NLRP11: variants seen among roughly 807,000 people sequenced by gnomAD.
NLRP11 encodes the protein NLR family pyrin domain containing 11.
A neutral mutation model predicts 79.3 loss-of-function variants in NLRP11; 53 were observed. That is an observed-to-expected ratio of 0.67 (90% CI 0.54 to 0.84). The LOEUF (loss-of-function observed/expected upper bound fraction) is 0.84, where lower values mean the gene tolerates loss of function less well. Ranked by LOEUF, NLRP11 falls within the 40% of genes least tolerant of loss-of-function variation. The pLI, the probability that NLRP11 is intolerant of heterozygous loss-of-function variation, is 0.00. For missense variants in NLRP11, 1,264 were observed against 1,255.0 expected, an observed-to-expected ratio of 1.01 and a Z score of -0.11; for synonymous variants, 518 against 462.6, an observed-to-expected ratio of 1.12 and a Z score of -1.54.
intron 1 of NLRP11, among the ~76,000 whole-genome samples, chr19:55,828,800 T>C (rs895611319): frequency 6.6e-6 from 1 of 152,206 alleles, no homozygotes; most frequent in East Asian, 1.9e-4. Flanking sequence ...TTTATACTTA[T>C]AGAATAAGGA....
intron 7 of NLRP11, among the ~76,000 whole-genome samples, chr19:55,790,550 C>G (rs972273105): frequency 2.0e-5 from 3 of 152,236 alleles, no homozygotes; most frequent in African/African-American, 7.2e-5. Flanking sequence ...ATTCTGTTCA[C>G]TGATGTATCC....
Position 55,809,262 on chromosome 19 carries a change from G to T in NLRP11, c.1348C>A (p.His450Asn). ...GTACAAAACTCCTGGACGTTCAAGT[G>T]TATGAACTTGTAACGGTCTTTATGA... The change falls in exon 3 of 10, where the codon CAC becomes AAC. Residue 450 changes from histidine to asparagine, a missense_variant. Transcript: ENST00000589093. This position sits in a 1 kb window ranked among gnomAD's most constrained non-coding sequence, Gnocchi z 4.5. 6.2e-7 allele frequency: 1 copy of T among 1,614,020 alleles called. No homozygotes were observed.
At chr19:55,810,127 A>G in exon 3 of NLRP11, 1 of 1,614,200 alleles carries the variant, frequency 6.2e-7, no homozygotes. Flanking sequence ...GATTTATAAC[A>G]ATAGTTTTTC....
chr19:55,805,537 TG>T (rs1979903075), intron 4 of NLRP11, among the ~76,000 whole-genome samples: 1 of 129,542 alleles, frequency 7.7e-6, no homozygotes, highest in East Asian at 2.1e-4. Context: ...TTTAAGGTTT[TG>T]TTTTTTTTTT....
intron 5 of NLRP11, among the ~76,000 whole-genome samples, chr19:55,800,305 T>C (rs144188491): frequency 6.6e-6 from 1 of 152,298 alleles, no homozygotes; most frequent in African/African-American, 2.4e-5. Flanking sequence ...GAATTTATTA[T>C]TCATTTATTT....
rs148852765 is a variant in NLRP11, at chr19:55,829,418, A to T, written c.-63+2545T>A. 2.3e-3 allele frequency among the ~76,000 whole-genome samples: 347 copies of T among 152,174 alleles called. 2 individuals carry two copies. Among genetic ancestry groups the T allele is most frequent in the Non-Finnish European group, 3.9e-3 (262 of 67,992 alleles). ...GGTGGCTCATGCCTGTAATCCCAGC[A>T]CTTTGGGAGGCCGAGGAGGGCAGAT... On this transcript the variant is annotated intron_variant, in intron 1 of 9. Coordinates refer to ENST00000589093, the Ensembl canonical transcript of NLRP11.
In NLRP11 at chr19:55,809,993, T is replaced by A. The variant is rs139853922; in HGVS notation, c.617A>T (p.Asp206Val). The A allele has an allele frequency of 1.4e-4, 228 of 1,614,092 alleles. No individual in the cohort carries two copies. The highest frequency in any genetic ancestry group is 3.0e-4 in the Admixed American group (18 of 60,008). Residue 206 changes from aspartate to valine, a missense_variant, in exon 3 of 10, where the codon GAC (aspartate) becomes GTC (valine). Physicochemically the swap from Asp to Val is radical, Grantham distance 152. Coordinates refer to ENST00000589093, the Ensembl canonical transcript of NLRP11. The surrounding 1 kb of genome is among the most constrained non-coding windows in gnomAD (Gnocchi z 4.5). The stretch of plus-strand genomic sequence containing the variant: ...AATGGGAGCCTGGCCGTCAGGCCAG[T>A]CCTTGGCGATTAGCTCAGCCAAGCT...
chr19:55,796,314 A>T (rs1600177795), intron 5 of NLRP11, 64 bp from the exon 6 acceptor site: 6 of 193,506 alleles, frequency 3.1e-5, no homozygotes, highest in South Asian at 3.0e-4. Context: ...CTTTTAAATT[A>T]AAAAAAAAAA....
chr19:55,831,350 T>C (rs1982770385), intron 1 of NLRP11, among the ~76,000 whole-genome samples: 1 of 151,316 alleles, frequency 6.6e-6, no homozygotes, highest in Non-Finnish European at 1.5e-5. Flanking sequence ...TTACTTGAGG[T>C]CAGGAGTTCG....
chr19:55,809,735 A>G lies in NLRP11; in HGVS notation c.875T>C (p.Val292Ala). Residue 292 changes from valine (V) to alanine (A), a missense_variant, in exon 3 of 10, where the codon GTA becomes GCA. Coordinates refer to ENST00000589093, the Ensembl canonical transcript of NLRP11. This position sits in a 1 kb window ranked among gnomAD's most constrained non-coding sequence, Gnocchi z 4.5. Reference sequence around the variant, plus strand: ...CAGCTGCAAGGTCGTGCAGCAATCTACCTCTTTCAAGAACGTTTTTACATT... The same window carrying G: ...CAGCTGCAAGGTCGTGCAGCAATCTGCCTCTTTCAAGAACGTTTTTACATT... The G allele has an allele frequency of 1.2e-6, 2 of 1,614,110 alleles. No individual in the cohort carries two copies. The highest frequency in any genetic ancestry group is 1.7e-6 in the Non-Finnish European group (2 of 1,180,006).
At chr19:55,799,228 C>T (rs1233402398) in intron 5 of NLRP11, among the ~76,000 whole-genome samples, 1 of 152,112 alleles carries the variant, frequency 6.6e-6, no homozygotes, top group Non-Finnish European at 1.5e-5. Flanking sequence ...GATCACCCCA[C>T]TGGACTCCAG....
chr19:55,801,779 C>G, intron 4 of NLRP11, 40 bp from the exon 5 acceptor site: 1 of 1,560,520 alleles, frequency 6.4e-7, no homozygotes, highest in Non-Finnish European at 8.8e-7. Context: ...TAGTGAAGGT[C>G]TGAACATCTT....
At chr19:55,796,649 C>T (rs1978909570) in intron 5 of NLRP11, among the ~76,000 whole-genome samples, 1 of 152,010 alleles carries the variant, frequency 6.6e-6, no homozygotes, top group African/African-American at 2.4e-5. Context: ...TTCTGCATAG[C>T]CTTGGGTGCC....
chr19:55,829,527 C>T (rs302477), intron 1 of NLRP11, among the ~76,000 whole-genome samples: 3 of 151,740 alleles, frequency 2.0e-5, no homozygotes, highest in Non-Finnish European at 4.4e-5. Context: ...ATTAGCCGGG[C>T]GTGGTGGCAC....
At chr19:55,827,394 C>A (rs1982335911) in intron 1 of NLRP11, among the ~76,000 whole-genome samples, 1 of 150,360 alleles carries the variant, frequency 6.7e-6, no homozygotes, top group South Asian at 2.1e-4. Flanking sequence ...GCAATGGCAA[C>A]AAAAGCCAAA....
intron 2 of NLRP11, among the ~76,000 whole-genome samples, chr19:55,811,761 GA>G (rs962346030): frequency 2.6e-5 from 4 of 151,416 alleles, no homozygotes; most frequent in Admixed American, 6.6e-5. Flanking sequence ...TCATAATCAA[GA>G]AAAAAAAATC....
At chr19:55,829,757 A>C (rs1026337455) in intron 1 of NLRP11, among the ~76,000 whole-genome samples, 1 of 152,064 alleles carries the variant, frequency 6.6e-6, no homozygotes, top group African/African-American at 2.4e-5. Context: ...TTGAGTCTAA[A>C]GGTAACTCCA....
At chr19:55,816,685 G>A (rs114846431) in intron 2 of NLRP11, among the ~76,000 whole-genome samples, 1,950 of 152,246 alleles carry the variant, frequency 0.013, 43 homozygotes, top group African/African-American at 0.043. Context: ...AACCCTCCAT[G>A]ATCTTTACAC....
rs140486238 is a variant in NLRP11, at chr19:55,798,155, A to G, written c.2172-1905T>C. The G allele has an allele frequency of 2.4e-3, 393 of 160,714 alleles. 2 individuals carry two copies. The highest frequency in any genetic ancestry group is 8.5e-3 in the African/African-American group (355 of 41,710). 10.0% of individuals were successfully genotyped at this position (160,714 alleles called of 1,614,324 possible). On this transcript the variant is annotated intron_variant, in intron 5 of 9. Transcript: ENST00000589093. Reference sequence around the variant, plus strand: ...GCTGGGATTACAGGCATGCGCCATCATACTTGGATAATTTTGCATTTTTAG... The same window carrying G: ...GCTGGGATTACAGGCATGCGCCATCGTACTTGGATAATTTTGCATTTTTAG...
Sources: allele counts gnomAD v4.1 joint callset (sites outside exome capture counted in the v4.1 genomes callset), GRCh38; gene constraint gnomAD v4.1.1; non-coding constraint Gnocchi (gnomAD v3.1); transcripts MANE v1.5; gene names NCBI Gene and HGNC (gene_info 2026-07-23, HGNC 2026-07-21).